TAFA2: variants seen among roughly 807,000 people sequenced by gnomAD.
TAFA2 encodes TAFA chemokine like family member 2, also known as chemokine-like protein TAFA-2.
TAFA2 carries 7 observed loss-of-function variants against 18.8 expected under a neutral mutation model. The ratio of observed to expected loss-of-function variants is 0.37; its 90% CI spans 0.21 to 0.70. TAFA2 has a LOEUF of 0.70. Ranked by LOEUF, TAFA2 falls within the 30% of genes least tolerant of loss-of-function variation. The probability of loss-of-function intolerance (pLI) is 0.53; values close to 1 mark genes in which losing one functional copy is unlikely to be tolerated. For synonymous variants in TAFA2, 60 were observed against 54.2 expected (o/e 1.11, Z -0.47); for missense variants, 122 against 158.1 (o/e 0.77, Z 1.23).
intron 2 of TAFA2, among the ~76,000 whole-genome samples, chr12:61,841,614 T>C (rs1205233990): frequency 6.6e-6 from 1 of 152,126 alleles, no homozygotes; most frequent in African/African-American, 2.4e-5. Context: ...CTGGAATTTC[T>C]TGGAATATTT....
intron 1 of TAFA2, among the ~76,000 whole-genome samples, chr12:62,112,932 C>T (rs993573160): frequency 2.6e-5 from 4 of 152,044 alleles, no homozygotes; most frequent in African/African-American, 9.7e-5. Context: ...AGAACATGCT[C>T]CTTTAACTCA....
intron 1 of TAFA2, among the ~76,000 whole-genome samples, chr12:62,134,770 G>T (rs895291805): frequency 6.6e-6 from 1 of 151,914 alleles, no homozygotes; most frequent in Non-Finnish European, 1.5e-5. Context: ...CGAATGAATG[G>T]TTCCTACTAC....
chr12:61,861,347 G>A (rs2359982), intron 2 of TAFA2, among the ~76,000 whole-genome samples: 42,084 of 149,064 alleles, frequency 0.28, 6,549 homozygotes, highest in South Asian at 0.37. Flanking sequence ...CTGCAATCTT[G>A]AAAGCAGTCC....
intron 4 of TAFA2, among the ~76,000 whole-genome samples, chr12:61,745,071 CACTT>C (rs1166143501): frequency 6.6e-6 from 1 of 152,016 alleles, no homozygotes; most frequent in African/African-American, 2.4e-5. Flanking sequence ...ATATAAATAT[CACTT>C]AGTTTCTGAA....
chr12:62,105,513 G>A (rs1201273700), intron 1 of TAFA2, among the ~76,000 whole-genome samples: 1 of 152,116 alleles, frequency 6.6e-6, no homozygotes, highest in Non-Finnish European at 1.5e-5. Context: ...TGAGTACAAA[G>A]GGGAGTTTTG....
intron 1 of TAFA2, among the ~76,000 whole-genome samples, chr12:61,877,914 T>TACACAC (rs1470794277): frequency 2.6e-5 from 2 of 76,042 alleles, no homozygotes; most frequent in African/African-American, 9.4e-5. Context: ...TATATATATA[T>TACACAC]ATATATATAT....
chr12:62,147,662 G>A (rs1341899804), intron 1 of TAFA2, among the ~76,000 whole-genome samples: 4 of 148,554 alleles, frequency 2.7e-5, no homozygotes, highest in African/African-American at 7.4e-5. Flanking sequence ...CCCGGGAGGC[G>A]GAGCTTGCAG....
intron 4 of TAFA2, among the ~76,000 whole-genome samples, chr12:61,735,999 G>A (rs968015389): frequency 1.3e-5 from 2 of 151,966 alleles, no homozygotes; most frequent in Non-Finnish European, 2.9e-5. Context: ...TGAGCCCTGT[G>A]AGGGCTGTTC....
chr12:61,824,889 T>C (rs1872479148), intron 2 of TAFA2, among the ~76,000 whole-genome samples: 1 of 152,182 alleles, frequency 6.6e-6, no homozygotes, highest in African/African-American at 2.4e-5. Flanking sequence ...TTGTTTGTAA[T>C]ACTGTATGTC....
At chr12:61,927,609 G>A (rs567785407) in intron 1 of TAFA2, among the ~76,000 whole-genome samples, 6 of 152,210 alleles carry the variant, frequency 3.9e-5, no homozygotes, top group South Asian at 4.2e-4. Context: ...CAGATTCAAT[G>A]CTATCCCCAT....
intron 2 of TAFA2, among the ~76,000 whole-genome samples, chr12:61,814,050 T>G (rs1414423298): frequency 1.3e-5 from 2 of 151,444 alleles, no homozygotes; most frequent in East Asian, 3.8e-4. Flanking sequence ...AGGCACACAC[T>G]GTATGCAAAC....
chr12:61,773,457 T>C (rs1213278747), intron 2 of TAFA2, among the ~76,000 whole-genome samples: 1 of 151,962 alleles, frequency 6.6e-6, no homozygotes, highest in East Asian at 1.9e-4. Context: ...CTTCAAACTA[T>C]ACTATAAGGC....
At chr12:62,149,502 A>G (rs2062311903) in intron 1 of TAFA2, among the ~76,000 whole-genome samples, 1 of 151,180 alleles carries the variant, frequency 6.6e-6, no homozygotes, top group Non-Finnish European at 1.5e-5. Context: ...ATATGAAAAT[A>G]CAGTTTTGCT....
Position 62,206,051 on chromosome 12 carries a change from G to A in TAFA2, c.-130+52712C>T, listed in dbSNP as rs577180861. ...TCGCTCTCCATGGGTCACGCCAACC[G>A]CCTAGTCAGTCCGAATGAGAGAACC... On this transcript the variant is annotated intron_variant, in intron 1 of 5. Transcript: ENST00000551619. Among the ~76,000 whole-genome samples the A allele has an allele frequency of 7.9e-5, 12 of 152,166 alleles. No individual in the cohort carries two copies. In the South Asian group the frequency reaches 1.7e-3, roughly 21 times the overall value.
At chr12:62,072,990 T>C (rs1882671502) in intron 1 of TAFA2, among the ~76,000 whole-genome samples, 1 of 152,222 alleles carries the variant, frequency 6.6e-6, no homozygotes, top group Non-Finnish European at 1.5e-5. Flanking sequence ...AATGTTCTTG[T>C]TCCCATCTAA....
intron 1 of TAFA2, among the ~76,000 whole-genome samples, chr12:62,257,352 T>C (rs2062945783): frequency 6.6e-6 from 1 of 152,156 alleles, no homozygotes; most frequent in African/African-American, 2.4e-5. Flanking sequence ...GCAGTGCTTT[T>C]TTTCTCTGGT....
intron 1 of TAFA2, among the ~76,000 whole-genome samples, chr12:62,099,221 A>T (rs556256266): frequency 1.3e-5 from 2 of 152,138 alleles, no homozygotes; most frequent in Non-Finnish European, 2.9e-5. Context: ...ACATCCTCCA[A>T]ATCAATATGA....
chr12:61,914,405 C>T (rs1221539708), intron 1 of TAFA2, among the ~76,000 whole-genome samples: 1 of 152,128 alleles, frequency 6.6e-6, no homozygotes, highest in Non-Finnish European at 1.5e-5. Context: ...GCTTAGAAGT[C>T]GAATGGTATG....
intron 1 of TAFA2, among the ~76,000 whole-genome samples, chr12:62,242,883 A>G (rs1292508225): frequency 6.6e-6 from 1 of 152,250 alleles, no homozygotes; most frequent in Admixed American, 6.5e-5. Context: ...AACATAATCT[A>G]TGAGTAATAG....
Sources: gnomAD v4.1 joint callset for allele counts (sites outside exome capture counted in the v4.1 genomes callset) on GRCh38, gnomAD v4.1.1 for gene constraint, MANE v1.5 for transcripts, NCBI Gene and HGNC (gene_info 2026-07-23, HGNC 2026-07-21) for gene names.